TANGO6: variants seen among roughly 807,000 people sequenced by gnomAD.
TANGO6 encodes the protein transport and golgi organization 6 homolog.
In TANGO6, 90 loss-of-function variants were observed where a neutral mutation model predicts 114.2. The ratio of observed to expected loss-of-function variants is 0.79; its 90% CI spans 0.66 to 0.94. The LOEUF (loss-of-function observed/expected upper bound fraction) is 0.94, where lower values mean the gene tolerates loss of function less well. TANGO6 is among the 40% of genes least tolerant of loss of function. TANGO6 has a pLI of 0.00. For missense variants in TANGO6, 1,274 were observed against 1,315.3 expected, an observed-to-expected ratio of 0.97 and a Z score of 0.49; for synonymous variants, 477 against 509.8, an observed-to-expected ratio of 0.94 and a Z score of 0.87.
chr16:68,945,948 AT>A (rs761492499), intron 14 of TANGO6, among the ~76,000 whole-genome samples: 5 of 151,946 alleles, frequency 3.3e-5, no homozygotes, highest in African/African-American at 4.8e-5. Context: ...GCCTCCCAAA[AT>A]GCTAGGATTA....
At chr16:68,980,782 A>G (rs1963828171) in intron 15 of TANGO6, among the ~76,000 whole-genome samples, 1 of 152,096 alleles carries the variant, frequency 6.6e-6, no homozygotes, top group Non-Finnish European at 1.5e-5. Flanking sequence ...GCGGATCACA[A>G]GATCAGGAGA....
chr16:68,959,459 C>T (rs1340561223), intron 14 of TANGO6, among the ~76,000 whole-genome samples: 1 of 151,844 alleles, frequency 6.6e-6, no homozygotes, highest in Non-Finnish European at 1.5e-5. Flanking sequence ...TGGTGGTGTG[C>T]ACCTATAATC....
At chr16:68,884,810 C>A (rs997315033) in intron 7 of TANGO6, among the ~76,000 whole-genome samples, 6 of 152,128 alleles carry the variant, frequency 3.9e-5, no homozygotes, top group African/African-American at 1.4e-4. Context: ...TTCTCCTATT[C>A]TTGGTCCCCA....
intron 14 of TANGO6, among the ~76,000 whole-genome samples, chr16:68,956,745 C>T (rs1371923933): frequency 3.3e-5 from 5 of 151,774 alleles, no homozygotes; most frequent in Non-Finnish European, 5.9e-5. Flanking sequence ...CCCAGCCACT[C>T]GAGAGGCTGA....
intron 4 of TANGO6, 151 bp from the exon 5 acceptor site, chr16:68,875,003 T>C (rs1319260998): frequency 1.5e-6 from 1 of 660,944 alleles, no homozygotes; most frequent in East Asian, 3.1e-5. Context: ...AAGGAAAGTA[T>C]AGAAGGGTAG....
At chr16:69,011,880 T>C (rs1024541344) in intron 15 of TANGO6, among the ~76,000 whole-genome samples, 2 of 152,230 alleles carry the variant, frequency 1.3e-5, no homozygotes, top group Non-Finnish European at 2.9e-5. Context: ...TGAAAAATCT[T>C]CCAAATTCTA....
chr16:68,859,099 T>C (rs540419827), intron 1 of TANGO6, among the ~76,000 whole-genome samples: 1 of 152,326 alleles, frequency 6.6e-6, no homozygotes, highest in East Asian at 1.9e-4. Flanking sequence ...GAGCCCTGTG[T>C]CCATATTTTG....
At chr16:69,064,094 C>G (rs1185117776) in intron 17 of TANGO6, among the ~76,000 whole-genome samples, 2 of 152,064 alleles carry the variant, frequency 1.3e-5, no homozygotes, top group African/African-American at 4.8e-5. Flanking sequence ...GCCTCGGCCT[C>G]CCAAAGTGCT....
At chr16:68,995,484 A>G (rs905866848) in intron 15 of TANGO6, among the ~76,000 whole-genome samples, 4 of 152,210 alleles carry the variant, frequency 2.6e-5, no homozygotes, top group African/African-American at 9.6e-5. Context: ...ATGTGCATCC[A>G]TATAGGGCTT....
At chr16:68,871,599 TTTTTATTTTTCTC>T (rs1962269191) in intron 4 of TANGO6, among the ~76,000 whole-genome samples, 1 of 152,158 alleles carries the variant, frequency 6.6e-6, no homozygotes. Flanking sequence ...CTCTATGTCT[TTTTTATTTTTCTC>T]TGTCTTTAAA....
At position 68,964,598 on chromosome 16, in the gene TANGO6, G is replaced by A. The variant is rs917522293; in HGVS notation, c.2702-9430G>A. Among the ~76,000 whole-genome samples, 7 of 134,564 alleles carry A rather than the reference G, an allele frequency of 5.2e-5. 1 individual carries two copies. The highest frequency in any genetic ancestry group is 3.4e-4 in the Admixed American group (4 of 11,786). 88.3% of individuals were successfully genotyped at this position (134,564 alleles called of 152,430 possible). A position where few individuals can be genotyped will look rare whatever the true frequency, so the allele number is the denominator to read the frequency against. On this transcript the variant is annotated intron_variant, in intron 14 of 17. Coordinates refer to ENST00000261778, the MANE Select transcript of TANGO6 (RefSeq NM_024562.2). ...TTTTTTTTTTTTGAGACAGAGTCTCGCTCTGTCGCCTAGGCTGGAGTGCAG... is the reference window on the plus strand; with the variant it reads ...TTTTTTTTTTTTGAGACAGAGTCTCACTCTGTCGCCTAGGCTGGAGTGCAG...
Position 68,843,709 on chromosome 16 carries a change from G to C in TANGO6, c.92G>C (p.Gly31Ala). ...LEALKLLLSPGGSGSSSLQVT... is the reference protein window; with the variant it reads ...LEALKLLLSPAGSGSSSLQVT... ...GCATTGAAGCTGCTGCTGAGCCCGG[G>C]AGGTGAGAGGACGCATCTCCGCGCC... is the stretch of plus-strand genomic sequence containing the variant. Residue 31 changes from glycine to alanine, a missense_variant and splice_region_variant, in exon 1 of 18, where the codon GGA (glycine) becomes GCA (alanine). By Grantham distance (60) the Gly-to-Ala change is moderately conservative (BLOSUM62 0). Transcript: ENST00000261778. The C allele has an allele frequency of 6.2e-7, 1 of 1,613,616 alleles. No individual in the cohort carries two copies. The highest frequency in any genetic ancestry group is 1.1e-5 in the South Asian group (1 of 91,074).
chr16:68,904,942 G>A (rs1222963642), intron 9 of TANGO6, among the ~76,000 whole-genome samples: 1 of 152,098 alleles, frequency 6.6e-6, no homozygotes, highest in East Asian at 1.9e-4. Flanking sequence ...CTTAAAAAAG[G>A]CCAGGCGCAG....
chr16:69,009,072 CTTTTTTTTTT>C (rs869092742), intron 15 of TANGO6, among the ~76,000 whole-genome samples: 1 of 77,678 alleles, frequency 1.3e-5, no homozygotes, highest in African/African-American at 5.4e-5. Flanking sequence ...GAGTTTATTT[CTTTTTTTTTT>C]TTTTTTTTTT....
chr16:68,983,533 G>A (rs182456444), intron 15 of TANGO6, among the ~76,000 whole-genome samples: 81 of 152,256 alleles, frequency 5.3e-4, no homozygotes, highest in African/African-American at 1.9e-3. Flanking sequence ...CATTTAGAGG[G>A]AGAGGTCAAC....
intron 15 of TANGO6, among the ~76,000 whole-genome samples, chr16:69,012,590 A>G (rs1318027600): frequency 6.6e-6 from 1 of 150,960 alleles, no homozygotes; most frequent in African/African-American, 2.4e-5. Flanking sequence ...GAAAAAAAAA[A>G]AAAAGAAAGA....
intron 1 of TANGO6, among the ~76,000 whole-genome samples, chr16:68,854,707 A>C (rs1961958230): frequency 2.0e-5 from 3 of 150,002 alleles, no homozygotes; most frequent in African/African-American, 7.4e-5. Flanking sequence ...TATTGATTTC[A>C]TATCTTTATT....
chr16:68,920,510 T>C (rs985992145), intron 12 of TANGO6, among the ~76,000 whole-genome samples: 1 of 152,168 alleles, frequency 6.6e-6, no homozygotes, highest in East Asian at 1.9e-4. Flanking sequence ...GCTGATTACA[T>C]ACCGAGTTAG....
intron 15 of TANGO6, among the ~76,000 whole-genome samples, chr16:68,980,435 A>ATATATATTTTTTT (rs1317961639): frequency 1.1e-4 from 7 of 61,772 alleles, no homozygotes; most frequent in Non-Finnish European, 1.8e-4. Context: ...ATATATATAT[A>ATATATATTTTTTT]TTTTTTTTTT....
Sources: gnomAD v4.1 joint callset for allele counts (sites outside exome capture counted in the v4.1 genomes callset) on GRCh38, gnomAD v4.1.1 for gene constraint, MANE v1.5 for transcripts, NCBI Gene and HGNC (gene_info 2026-07-23, HGNC 2026-07-21) for gene names.